GRIK3: variants seen among roughly 807,000 people sequenced by gnomAD.
GRIK3 encodes the protein glutamate receptor ionotropic, kainate 3.
Under a neutral mutation model 102.5 loss-of-function variants are expected in GRIK3, and 29 were observed. The ratio of observed to expected loss-of-function variants is 0.28; its 90% CI spans 0.21 to 0.39. The LOEUF is 0.39. Ranked by LOEUF, GRIK3 falls within the 10% of genes least tolerant of loss-of-function variation. The pLI, the probability that GRIK3 is intolerant of heterozygous loss-of-function variation, is 1.00. For missense variants in GRIK3, 908 were observed against 1,252.4 expected (o/e 0.73, Z 4.15); for synonymous variants, 511 against 504.9 (o/e 1.01, Z -0.16).
intron 9 of GRIK3, among the ~76,000 whole-genome samples, chr1:36,844,464 C>T (rs184828531): frequency 1.8e-4 from 27 of 152,300 alleles, no homozygotes; most frequent in Middle Eastern, 3.4e-3. Context: ...TGGCATGGGG[C>T]CTGGCGAGCA....
chr1:36,943,899 C>T (rs1641754774), intron 1 of GRIK3, among the ~76,000 whole-genome samples: 1 of 152,216 alleles, frequency 6.6e-6, no homozygotes, highest in African/African-American at 2.4e-5. Flanking sequence ...CAAGCATTGG[C>T]CTCACACTGT....
At chr1:36,828,390 G>C (rs1177711394) in intron 10 of GRIK3, among the ~76,000 whole-genome samples, 1 of 152,136 alleles carries the variant, frequency 6.6e-6, no homozygotes, top group Non-Finnish European at 1.5e-5. Flanking sequence ...ATTCAATAGT[G>C]GTCCCATAAG....
intron 1 of GRIK3, among the ~76,000 whole-genome samples, chr1:36,947,006 G>C (rs1008273334): frequency 6.6e-6 from 1 of 152,168 alleles, no homozygotes; most frequent in Admixed American, 6.5e-5. Context: ...AGATACTTGG[G>C]ATTTGGACCG....
Position 36,938,016 on chromosome 1 carries a change from C to A in GRIK3, c.116-46920G>T, listed in dbSNP as rs551393575. ...CTTAAAGATATACTAGGTGTCCAGC[C>A]CTGTGTCCTGTGTTAGGAACAAACC... On this transcript the variant is annotated intron_variant, in intron 1 of 15. Coordinates refer to ENST00000373091, the MANE Select transcript of GRIK3 (RefSeq NM_000831.4). 2.0e-5 allele frequency among the ~76,000 whole-genome samples: 3 copies of A among 152,318 alleles called. No homozygotes were observed. In the East Asian group the frequency reaches 5.8e-4, roughly 29 times the overall value.
rs1292230737 is a variant in GRIK3 at position 36,796,601 on chromosome 1, G to A, written c.*5250C>T. Reference sequence around the variant, plus strand: ...CACTGTTCTAGAAGGCAGGAGGACAGGATCAGTAACAGGGGCATGGGAACA... The same window carrying A: ...CACTGTTCTAGAAGGCAGGAGGACAAGATCAGTAACAGGGGCATGGGAACA... On this transcript the variant is annotated 3_prime_UTR_variant, in exon 16 of 16. Coordinates refer to ENST00000373091, the MANE Select transcript of GRIK3 (RefSeq NM_000831.4). 6.6e-6 allele frequency: 1 copy of A among 152,296 alleles called. No homozygotes were observed. The highest frequency in any genetic ancestry group is 1.5e-5 in the Non-Finnish European group (1 of 68,078). 9.4% of individuals were successfully genotyped at this position (152,296 alleles called of 1,614,324 possible). A position where few individuals can be genotyped will look rare whatever the true frequency, so the allele number is the denominator to read the frequency against.
intron 7 of GRIK3, among the ~76,000 whole-genome samples, chr1:36,854,024 C>T (rs1640618770): frequency 1.3e-5 from 2 of 152,168 alleles, no homozygotes; most frequent in Admixed American, 6.5e-5. Context: ...ATGTCAGATC[C>T]TGGGAGATGG....
At chr1:36,914,735 C>A (rs974307119) in intron 1 of GRIK3, among the ~76,000 whole-genome samples, 1 of 152,212 alleles carries the variant, frequency 6.6e-6, no homozygotes, top group Non-Finnish European at 1.5e-5. Flanking sequence ...CGGGCCCCAC[C>A]AAATGATGGA....
At chr1:36,865,586 T>C (rs533155931) in intron 5 of GRIK3, among the ~76,000 whole-genome samples, 2 of 152,296 alleles carry the variant, frequency 1.3e-5, no homozygotes, top group East Asian at 3.9e-4. Context: ...TGCTGGGAGA[T>C]ACTCTGGGAG....
chr1:36,835,474 C>T (rs1215834138), intron 10 of GRIK3, among the ~76,000 whole-genome samples: 2 of 152,194 alleles, frequency 1.3e-5, no homozygotes, highest in Admixed American at 6.5e-5. Flanking sequence ...AGACATTAGT[C>T]ACCCTCTATG....
intron 1 of GRIK3, among the ~76,000 whole-genome samples, chr1:37,033,011 C>T (rs1005470288): frequency 1.3e-5 from 2 of 152,290 alleles, no homozygotes; most frequent in Middle Eastern, 6.8e-3. Flanking sequence ...TGAACCCAGG[C>T]GGCCCAGGTG....
chr1:36,973,450 C>T (rs1480265943), intron 1 of GRIK3, among the ~76,000 whole-genome samples: 9 of 136,838 alleles, frequency 6.6e-5, no homozygotes, highest in South Asian at 4.7e-4. Context: ...GACAGAATCT[C>T]GCTTTGTCAC....
At chr1:37,025,940 A>G (rs72923883) in intron 1 of GRIK3, among the ~76,000 whole-genome samples, 290 of 152,262 alleles carry the variant, frequency 1.9e-3, no homozygotes, top group African/African-American at 5.4e-3. Context: ...TCCGATCTGT[A>G]TGATCACCAT....
intron 10 of GRIK3, among the ~76,000 whole-genome samples, chr1:36,840,940 C>T (rs1449518378): frequency 6.6e-6 from 1 of 152,180 alleles, no homozygotes; most frequent in Admixed American, 6.5e-5. Flanking sequence ...TGACAACAAT[C>T]GCGTGAGGAA....
intron 3 of GRIK3, among the ~76,000 whole-genome samples, chr1:36,878,870 C>T (rs892575862): frequency 1.3e-5 from 2 of 152,174 alleles, no homozygotes. Context: ...CACACTTGCA[C>T]CACTTGGTTC....
intron 1 of GRIK3, among the ~76,000 whole-genome samples, chr1:36,956,291 G>C (rs1641904694): frequency 1.3e-5 from 2 of 152,216 alleles, no homozygotes; most frequent in South Asian, 4.1e-4. Flanking sequence ...CCTTGGCTGG[G>C]GACTGGGCCA....
chr1:36,810,921 G>T (rs1228596987), intron 13 of GRIK3, among the ~76,000 whole-genome samples: 1 of 152,194 alleles, frequency 6.6e-6, no homozygotes, highest in Admixed American at 6.5e-5. Context: ...CTTGCTTGTG[G>T]GGGGCTACAG....
At chr1:37,017,369 T>TAAAA (rs774819790) in intron 1 of GRIK3, among the ~76,000 whole-genome samples, 675 of 48,476 alleles carry the variant, frequency 0.014, 29 homozygotes, top group Middle Eastern at 0.023. Flanking sequence ...CCCTGTCTCT[T>TAAAA]AAAAAAAAAA....
intron 11 of GRIK3, among the ~76,000 whole-genome samples, chr1:36,824,394 C>T (rs1474242415): frequency 6.6e-6 from 1 of 152,170 alleles, no homozygotes; most frequent in African/African-American, 2.4e-5. Flanking sequence ...CTGTGGCAGG[C>T]TCAGCGGCTG....
At chr1:36,973,974 G>T (rs1289220931) in intron 1 of GRIK3, among the ~76,000 whole-genome samples, 1 of 152,166 alleles carries the variant, frequency 6.6e-6, no homozygotes, top group African/African-American at 2.4e-5. Flanking sequence ...GTTGGAAATT[G>T]CAGACATGTG....
Sources: gnomAD v4.1 joint callset for allele counts (sites outside exome capture counted in the v4.1 genomes callset) on GRCh38, gnomAD v4.1.1 for gene constraint, MANE v1.5 for transcripts, NCBI Gene and HGNC (gene_info 2026-07-23, HGNC 2026-07-21) for gene names.